RPS6KA2: variants seen among roughly 807,000 people sequenced by gnomAD.
RPS6KA2 encodes ribosomal protein S6 kinase alpha-2.
A neutral mutation model predicts 91.8 loss-of-function variants in RPS6KA2; 42 were observed. That is an observed-to-expected ratio of 0.46 (90% CI 0.36 to 0.59). The LOEUF is 0.59. Ranked by LOEUF, RPS6KA2 falls within the 20% of genes least tolerant of loss-of-function variation. The pLI is 0.00. For synonymous variants in RPS6KA2, 414 were observed against 393.6 expected, an observed-to-expected ratio of 1.05 and a Z score of -0.61; for missense variants, 798 against 978.5, an observed-to-expected ratio of 0.82 and a Z score of 2.46.
At chr6:166,684,778 T>C (rs1788956019) in intron 2 of RPS6KA2, among the ~76,000 whole-genome samples, 1 of 152,196 alleles carries the variant, frequency 6.6e-6, no homozygotes, top group Non-Finnish European at 1.5e-5. Context: ...AACTTGAACA[T>C]TTATCACCCT....
chr6:166,628,651 G>A (rs1315394251), upstream of RPS6KA2, among the ~76,000 whole-genome samples: 1 of 152,202 alleles, frequency 6.6e-6, no homozygotes, highest in African/African-American at 2.4e-5. Flanking sequence ...AGTGGAAGCC[G>A]GGAGTTTAGC....
chr6:166,490,596 T>C lies in RPS6KA2; in HGVS notation c.818+75A>G. ...AGCAATGTAATTAAAACTTCACAGT[T>C]CCAGGTTCAGAGGCAGCAGCTCTTG... On this transcript the variant is annotated intron_variant, in intron 9 of 20. Transcript: ENST00000265678. This position sits in a 1 kb window ranked among gnomAD's most constrained non-coding sequence, Gnocchi z 4.2. 1 of 982,492 alleles carries C rather than the reference T, an allele frequency of 1.0e-6. No individual in the cohort carries two copies. Among genetic ancestry groups the C allele is most frequent in the Non-Finnish European group, 1.6e-6 (1 of 626,820 alleles). 60.9% of individuals were successfully genotyped at this position (982,492 alleles called of 1,614,324 possible). A position where few individuals can be genotyped will look rare whatever the true frequency, so the allele number is the denominator to read the frequency against.
At chr6:166,734,691 T>C (rs1790626493) in intron 2 of RPS6KA2, among the ~76,000 whole-genome samples, 1 of 152,192 alleles carries the variant, frequency 6.6e-6, no homozygotes, top group African/African-American at 2.4e-5. Flanking sequence ...TGTGACAATG[T>C]GCCTTATTCA....
chr6:166,617,631 C>T (rs1176920893), intron 1 of RPS6KA2, among the ~76,000 whole-genome samples: 1 of 152,200 alleles, frequency 6.6e-6, no homozygotes, highest in African/African-American at 2.4e-5. Flanking sequence ...TTTTTGTCTG[C>T]ATTTTAACCC....
chr6:166,709,873 C>A (rs1789793051), intron 2 of RPS6KA2, among the ~76,000 whole-genome samples: 1 of 152,174 alleles, frequency 6.6e-6, no homozygotes, highest in Non-Finnish European at 1.5e-5. Flanking sequence ...CAGCTGAGAA[C>A]AAGTTAGGGG....
chr6:166,697,171 T>C (rs901970047), intron 2 of RPS6KA2, among the ~76,000 whole-genome samples: 1 of 151,900 alleles, frequency 6.6e-6, no homozygotes, highest in Non-Finnish European at 1.5e-5. Context: ...TGAACCCTAA[T>C]ACACCAGCTA....
In RPS6KA2 at chr6:166,760,106, C is replaced by T. The variant is rs182711578; in HGVS notation, c.123+98094G>A. On this transcript the variant is annotated intron_variant, in intron 2 of 21. Coordinates refer to the RPS6KA2 transcript ENST00000503859. ...TGTTTCAAATACACAGGAATAAAAA[C>T]GGAAGGTTTCTTTTGGCTATCTGTA... is the stretch of plus-strand genomic sequence containing the variant. 3.8e-3 allele frequency among the ~76,000 whole-genome samples: 578 copies of T among 152,192 alleles called. 4 individuals carry two copies. Among genetic ancestry groups the T allele is most frequent in the African/African-American group, 0.013 (547 of 41,500 alleles).
At chr6:166,630,666 C>T (rs1314684108), upstream of RPS6KA2, among the ~76,000 whole-genome samples, 2 of 152,180 alleles carry the variant, frequency 1.3e-5, no homozygotes, top group African/African-American at 4.8e-5. Flanking sequence ...CCAGCCAGTA[C>T]GAGGGAGGGA....
At position 166,413,939 on chromosome 6, in the gene RPS6KA2, G is replaced by A; in HGVS notation, c.1939-8C>T. 1 of 1,613,262 alleles carries A rather than the reference G, an allele frequency of 6.2e-7. No individual in the cohort carries two copies. The highest frequency in any genetic ancestry group is 8.5e-7 in the Non-Finnish European group (1 of 1,179,850). ...CATCTTGGACACGACGTCCTGCCAG[G>A]GAAGGTCATGAGAGTCGGGGGGATG... On this transcript the variant is annotated splice_polypyrimidine_tract_variant and splice_region_variant and intron_variant, in intron 19 of 20. Coordinates refer to ENST00000265678, the MANE Select transcript of RPS6KA2 (RefSeq NM_021135.6).
intron 2 of RPS6KA2, among the ~76,000 whole-genome samples, chr6:166,674,083 C>G (rs960443775): frequency 2.6e-5 from 4 of 152,176 alleles, no homozygotes; most frequent in Admixed American, 2.6e-4. Context: ...TCTTTCTGAT[C>G]AAGAAAATTG....
intron 2 of RPS6KA2, among the ~76,000 whole-genome samples, chr6:166,753,726 T>C (rs1431648537): frequency 2.0e-5 from 3 of 152,218 alleles, no homozygotes; most frequent in African/African-American, 2.4e-5. Flanking sequence ...AAAGCCCTTA[T>C]TACCACACTT....
intron 14 of RPS6KA2, among the ~76,000 whole-genome samples, chr6:166,432,894 C>G (rs1384265938): frequency 4.0e-5 from 6 of 150,548 alleles, no homozygotes; most frequent in Admixed American, 2.0e-4. Flanking sequence ...ACTCAGGAGG[C>G]TGAGGCATGA....
chr6:166,729,025 C>T (rs142033111), intron 2 of RPS6KA2, among the ~76,000 whole-genome samples: 43 of 152,364 alleles, frequency 2.8e-4, no homozygotes, highest in Non-Finnish European at 5.4e-4. Flanking sequence ...CACAGGCTGA[C>T]ACATGGAGTG....
chr6:166,820,508 G>A (rs1779882694), intron 2 of RPS6KA2, among the ~76,000 whole-genome samples: 1 of 152,118 alleles, frequency 6.6e-6, no homozygotes, highest in African/African-American at 2.4e-5. Flanking sequence ...GCTTTGGTGG[G>A]TGGAAAAAAT....
intron 1 of RPS6KA2, among the ~76,000 whole-genome samples, chr6:166,606,112 A>G (rs969537407): frequency 2.0e-5 from 3 of 152,238 alleles, no homozygotes; most frequent in African/African-American, 7.2e-5. Flanking sequence ...TATTACAGCT[A>G]CAGCCCAAGG....
intron 1 of RPS6KA2, among the ~76,000 whole-genome samples, chr6:166,623,355 G>A (rs1786714947): frequency 6.6e-6 from 1 of 152,232 alleles, no homozygotes; most frequent in African/African-American, 2.4e-5. Context: ...GGCTCTACTG[G>A]CGTGTGGAAA....
At chr6:166,456,650 G>A (rs2128458689) in intron 12 of RPS6KA2, among the ~76,000 whole-genome samples, 1 of 152,342 alleles carries the variant, frequency 6.6e-6, no homozygotes, top group East Asian at 1.9e-4. Context: ...TAGAGGATTT[G>A]TAGCTTATCC....
intron 10 of RPS6KA2, 63 bp from the exon 11 acceptor site, chr6:166,469,968 A>C (rs1225506812): frequency 7.0e-7 from 1 of 1,435,576 alleles, no homozygotes; most frequent in African/African-American, 1.4e-5. Flanking sequence ...GACAGTTTCC[A>C]ATGCAGCAGT....
At chr6:166,424,491 T>G (rs1020507851) in intron 16 of RPS6KA2, among the ~76,000 whole-genome samples, 1 of 152,190 alleles carries the variant, frequency 6.6e-6, no homozygotes, top group East Asian at 1.9e-4. Flanking sequence ...TGGGAAGAGA[T>G]GGCGCACAGA....
Sources: gnomAD v4.1 joint callset for allele counts (sites outside exome capture counted in the v4.1 genomes callset) on GRCh38, gnomAD v4.1.1 for gene constraint, Gnocchi (gnomAD v3.1) non-coding constraint, MANE v1.5 for transcripts, NCBI Gene and HGNC (gene_info 2026-07-23, HGNC 2026-07-21) for gene names.